CERS3: variants seen among roughly 807,000 people sequenced by gnomAD.
The protein encoded by CERS3 is ceramide synthase 3.
In CERS3, 33 loss-of-function variants were observed where a neutral mutation model predicts 50.3. The observed-to-expected ratio is 0.66, with a 90% CI of 0.50 to 0.88. The LOEUF (loss-of-function observed/expected upper bound fraction) is 0.88. CERS3 is among the 40% of genes least tolerant of loss of function. CERS3 has a pLI of 0.00. For missense variants in CERS3, 470 were observed against 460.3 expected (o/e 1.02, Z -0.19); for synonymous variants, 176 against 155.2 (o/e 1.13, Z -0.99).
intron 11 of CERS3, among the ~76,000 whole-genome samples, chr15:100,450,416 C>CAAAAAAAAAAAAA (rs34873483): frequency 9.5e-5 from 6 of 63,424 alleles, no homozygotes; most frequent in Admixed American, 2.2e-4. Context: ...GACTCTGTCT[C>CAAAAAAAAAAAAA]AAAAAAAAAA....
At chr15:100,535,742 ACGGGAAG>A (rs1567690919) in intron 1 of CERS3, among the ~76,000 whole-genome samples, 6 of 122,130 alleles carry the variant, frequency 4.9e-5, no homozygotes, top group African/African-American at 2.0e-4. Flanking sequence ...TCATATGTGC[ACGGGAAG>A]TGGGGACATC....
intron 7 of CERS3, among the ~76,000 whole-genome samples, chr15:100,478,858 G>A (rs369310923): frequency 8.4e-4 from 128 of 152,112 alleles, no homozygotes; most frequent in African/African-American, 2.7e-3. Context: ...AGGAAGCAAG[G>A]AATAGCACAA....
In CERS3 at chr15:100,451,369, C is replaced by G. The variant is rs73472014; in HGVS notation, c.999+4524G>C. ...GCTGAATGGATTTAAAAATGACTCA[C>G]TATATGCTGCCTACAAGAAGTTTAT... On this transcript the variant is annotated intron_variant, in intron 11 of 11. Transcript: ENST00000679737. 5.6e-3 allele frequency among the ~76,000 whole-genome samples: 851 copies of G among 151,934 alleles called. 11 individuals carry two copies. The highest frequency in any genetic ancestry group is 0.02 in the African/African-American group (813 of 41,476).
Position 100,484,636 on chromosome 15 carries a change from G to A in CERS3, c.321C>T (p.Asn107=). 1.2e-6 allele frequency: 2 copies of A among 1,614,052 alleles called. No individual in the cohort carries two copies. Among genetic ancestry groups the A allele is most frequent in the African/African-American group, 1.3e-5 (1 of 75,052 alleles). ...TDIYGLAKKC[N]LTERQVERWF... ...ATCTTTCCACCTGGCGCTCCGTCAA[G>A]TTACACTTCTTTGCCAGTCCATAAA... The change falls in exon 5 of 12, where the codon AAC becomes AAT. Residue 107 remains asparagine, a synonymous_variant. Transcript: ENST00000679737.
rs79168101 is a variant in CERS3, at chr15:100,517,632, G to T, written c.-2+4035C>A. On this transcript the variant is annotated intron_variant, in intron 2 of 11. Coordinates refer to ENST00000679737, the MANE Select transcript of CERS3 (RefSeq NM_001378789.1). ...TTAGGAAAGGATTTGGGGTTACTAA[G>T]GTACACTGATGAAGCAAGCTCCAAA... 8.5e-3 allele frequency among the ~76,000 whole-genome samples: 1,296 copies of T among 152,258 alleles called. 23 individuals carry two copies. Among genetic ancestry groups the T allele is most frequent in the African/African-American group, 0.029 (1,220 of 41,546 alleles).
chr15:100,515,912 G>A (rs1412875504), intron 2 of CERS3, among the ~76,000 whole-genome samples: 1 of 152,092 alleles, frequency 6.6e-6, no homozygotes, highest in Admixed American at 6.5e-5. Context: ...CCATCTTCGC[G>A]AACTCTCCTC....
At chr15:100,530,062 C>T (rs909266594), upstream of CERS3, among the ~76,000 whole-genome samples, 1 of 152,148 alleles carries the variant, frequency 6.6e-6, no homozygotes, top group African/African-American at 2.4e-5. Flanking sequence ...CCTTTCTCTT[C>T]GAAGACGTTC....
chr15:100,536,505 G>A (rs755634845), intron 1 of CERS3, among the ~76,000 whole-genome samples: 6 of 152,134 alleles, frequency 3.9e-5, no homozygotes, highest in East Asian at 1.9e-4. Context: ...GGCTGGTCTC[G>A]AATTCCTAAG....
chr15:100,436,702 C>T (rs976889316), intron 11 of CERS3, among the ~76,000 whole-genome samples: 7 of 151,660 alleles, frequency 4.6e-5, no homozygotes, highest in African/African-American at 1.7e-4. Context: ...GCTAACAGAC[C>T]AGTTTTGCAT....
At chr15:100,421,015 A>C (rs1314703748) in intron 11 of CERS3, among the ~76,000 whole-genome samples, 1 of 143,074 alleles carries the variant, frequency 7.0e-6, no homozygotes, top group African/African-American at 2.6e-5. Flanking sequence ...CCCTTTGAAA[A>C]CTGGCACAAG....
At chr15:100,423,846 G>A (rs1249494266) in intron 11 of CERS3, among the ~76,000 whole-genome samples, 2 of 151,978 alleles carry the variant, frequency 1.3e-5, no homozygotes, top group Non-Finnish European at 2.9e-5. Flanking sequence ...AAAGTTTCCT[G>A]AGGCCTCCCC....
At chr15:100,470,994 A>C (rs11629625) in intron 9 of CERS3, among the ~76,000 whole-genome samples, 1 of 151,966 alleles carries the variant, frequency 6.6e-6, no homozygotes, top group Non-Finnish European at 1.5e-5. Context: ...ACCCTAAAAC[A>C]CACTATTCAA....
At position 100,441,724 on chromosome 15, in the gene CERS3, A is replaced by G. The variant is rs557606889; in HGVS notation, c.999+14169T>C. Among the ~76,000 whole-genome samples the G allele has an allele frequency of 4.6e-5, 7 of 152,102 alleles. No homozygotes were observed. In the East Asian group the frequency reaches 5.8e-4, roughly 13 times the overall value. On this transcript the variant is annotated intron_variant, in intron 11 of 11. Coordinates refer to ENST00000679737, the MANE Select transcript of CERS3 (RefSeq NM_001378789.1). The stretch of plus-strand genomic sequence containing the variant: ...CACTTTCAATTTTTCCATCCTACAA[A>G]ATCTAAATAATTCTTTTCGTAAAAT...
intron 1 of CERS3, among the ~76,000 whole-genome samples, chr15:100,535,376 C>T (rs4327032): frequency 0.5 from 75,638 of 151,914 alleles, 19,207 homozygotes; most frequent in South Asian, 0.6. Context: ...GGGTTCATAC[C>T]ATGTGCCAGG....
intron 3 of CERS3, among the ~76,000 whole-genome samples, chr15:100,493,912 GAT>G (rs566776651): frequency 5.0e-4 from 76 of 151,922 alleles, no homozygotes; most frequent in African/African-American, 1.5e-3. Flanking sequence ...CTTTCCTTTA[GAT>G]CTTAAGCATG....
chr15:100,417,664 C>T (rs1216457877), intron 11 of CERS3, among the ~76,000 whole-genome samples: 2 of 152,074 alleles, frequency 1.3e-5, no homozygotes, highest in East Asian at 1.9e-4. Context: ...GTAACCTCTG[C>T]AGACTTAAAT....
intron 2 of CERS3, among the ~76,000 whole-genome samples, chr15:100,516,801 G>A (rs1196940701): frequency 2.6e-5 from 4 of 152,168 alleles, no homozygotes; most frequent in African/African-American, 9.7e-5. Context: ...GACAGGTCCT[G>A]GAGAGGCTGT....
intron 11 of CERS3, among the ~76,000 whole-genome samples, chr15:100,430,137 C>G (rs1449408313): frequency 6.6e-6 from 1 of 151,716 alleles, no homozygotes; most frequent in Non-Finnish European, 1.5e-5. Flanking sequence ...ACGGTGGAAC[C>G]CTGTCTCTAC....
chr15:100,495,521 T>C (rs1368340466), intron 3 of CERS3, among the ~76,000 whole-genome samples: 1 of 152,208 alleles, frequency 6.6e-6, no homozygotes, highest in Non-Finnish European at 1.5e-5. Context: ...ATTTATATTT[T>C]CCTAATGACT....
Sources: allele counts gnomAD v4.1 joint callset (sites outside exome capture counted in the v4.1 genomes callset), GRCh38; gene constraint gnomAD v4.1.1; transcripts MANE v1.5; gene names NCBI Gene and HGNC (gene_info 2026-07-23, HGNC 2026-07-21).